The following VPS13A variants were observed in gnomAD, a reference collection of about 807,000 sequenced individuals.
VPS13A encodes the protein vacuolar protein sorting 13 homolog A, also known as intermembrane lipid transfer protein VPS13A.
In VPS13A, 264 loss-of-function variants were observed where a neutral mutation model predicts 390.9. That is an observed-to-expected ratio of 0.68 (90% CI 0.61 to 0.75). The LOEUF (loss-of-function observed/expected upper bound fraction) is 0.75. Ranked by LOEUF, VPS13A falls within the 30% of genes least tolerant of loss-of-function variation. The pLI, the probability that VPS13A is intolerant of heterozygous loss-of-function variation, is 0.00. For synonymous variants in VPS13A, 1,231 were observed against 1,227.1 expected (o/e 1.00, Z -0.07); for missense variants, 3,409 against 3,733.9 (o/e 0.91, Z 2.27).
At position 77,293,384 on chromosome 9, in the gene VPS13A, T is replaced by C; in HGVS notation, c.3383T>C (p.Val1128Ala). The C allele has an allele frequency of 6.2e-7, 1 of 1,613,428 alleles. No individual in the cohort carries two copies. Among genetic ancestry groups the C allele is most frequent in the Non-Finnish European group, 8.5e-7 (1 of 1,179,688 alleles). ...TGKEVFSFKM[V>A]SYMDATAGSA... ...AAAGAAGTTTTCAGCTTCAAAATGG[T>C]TTCTTACATGGATGCAACTGCTGGT... is the stretch of plus-strand genomic sequence containing the variant. Residue 1128 changes from valine to alanine, a missense_variant, in exon 32 of 72, where the codon GTT becomes GCT. Around this residue, in one of 5 missense-constraint regions of VPS13A, gnomAD observed 2,717 missense variants for 2,917.4 expected, o/e 0.93. Coordinates refer to ENST00000360280, the MANE Select transcript of VPS13A (RefSeq NM_033305.3).
intron 31 of VPS13A, among the ~76,000 whole-genome samples, chr9:77,291,504 C>G (rs1252466778): frequency 6.6e-6 from 1 of 152,054 alleles, no homozygotes; most frequent in Non-Finnish European, 1.5e-5. Context: ...GGTTTGAATT[C>G]CAGATTAATA....
chr9:77,340,055 T>G lies in VPS13A; in HGVS notation c.6775-123T>G, dbSNP rs1830732169. On this transcript the variant is annotated intron_variant, in intron 48 of 71. Coordinates refer to ENST00000360280, the MANE Select transcript of VPS13A (RefSeq NM_033305.3). The stretch of plus-strand genomic sequence containing the variant: ...AGGCCAAAAAGATTAGAATTTAATA[T>G]TATAAAGGTTTAGTGCATTAACAAT... The G allele has an allele frequency of 3.8e-6, 5 of 1,332,914 alleles. 1 individual carries two copies. The Admixed American group carries it at 9.6e-5, about 25-fold the overall frequency. The allele number at this position is 1,332,914 out of a possible 1,614,324, so 82.6% of individuals were successfully genotyped here. A position where few individuals can be genotyped will look rare whatever the true frequency, so the allele number is the denominator to read the frequency against.
chr9:77,259,790 A>G (rs1279150107), intron 22 of VPS13A, among the ~76,000 whole-genome samples: 1 of 152,186 alleles, frequency 6.6e-6, no homozygotes, highest in Non-Finnish European at 1.5e-5. Context: ...TAATGCATGT[A>G]AAGTGCTTTC....
At chr9:77,184,058 GT>G (rs886919704) in intron 1 of VPS13A, among the ~76,000 whole-genome samples, 1 of 152,192 alleles carries the variant, frequency 6.6e-6, no homozygotes, top group East Asian at 1.9e-4. Flanking sequence ...TATTTGCTTA[GT>G]TTTTTTCCTT....
rs759975017 is a variant in VPS13A at position 77,321,614 on chromosome 9, A to G, written c.5698A>G (p.Asn1900Asp). 7 of 1,613,452 alleles carry G rather than the reference A, an allele frequency of 4.3e-6. No individual in the cohort carries two copies. The Admixed American group carries it at 1.2e-4, about 27-fold the overall frequency. Residue 1900 changes from asparagine to aspartate, a missense_variant, in exon 44 of 72, where the codon AAC becomes GAC. Around this residue, in one of 5 missense-constraint regions of VPS13A, gnomAD observed 2,717 missense variants for 2,917.4 expected, o/e 0.93. Transcript: ENST00000360280. ...VSPSDSFSVL[N>D]IPMAKSYVLK... ...GCCAAGTGATTCTTTTAGTGTACTCAACATTCCTATGGCAAAATCATATGT... is the reference window on the plus strand; with the variant it reads ...GCCAAGTGATTCTTTTAGTGTACTCGACATTCCTATGGCAAAATCATATGT...
chr9:77,416,241 GA>G lies in VPS13A; in HGVS notation c.*237del, dbSNP rs563671185. The stretch of plus-strand genomic sequence containing the variant: ...CAGCAATTACCCGGTTTTCTAAATT[GA>G]ATCATGCATCTATTTATAATTCTAA... On this transcript the variant is annotated 3_prime_UTR_variant, in exon 72 of 72. Coordinates refer to ENST00000360280, the MANE Select transcript of VPS13A (RefSeq NM_033305.3). 8.5e-4 allele frequency: 388 copies of G among 457,116 alleles called. 1 individual carries two copies. Among genetic ancestry groups the G allele is most frequent in the African/African-American group, 7.0e-3 (354 of 50,552 alleles). 28.3% of individuals were successfully genotyped at this position (457,116 alleles called of 1,614,324 possible).
chr9:77,356,730 GA>G lies in VPS13A; in HGVS notation c.7672del (p.Thr2558GlnfsTer12). 1.9e-6 allele frequency: 3 copies of G among 1,612,388 alleles called. No homozygotes were observed. Among genetic ancestry groups the G allele is most frequent in the Non-Finnish European group, 2.5e-6 (3 of 1,179,072 alleles). ...TTAAATAAGTTCTGATGTGGTTTGG[GA>G]AACAAAGCCCAAGAAGAAGGCAAGA... ...IGITSSDVVW[E>X]TKPKKKARWK... On this transcript the variant is annotated frameshift_variant, in exon 55 of 72. Transcript: ENST00000360280. LOFTEE classifies it high-confidence loss of function.
In VPS13A at chr9:77,413,482, A is replaced by C. The variant is rs911950255; in HGVS notation, c.9475-2474A>C. On this transcript the variant is annotated intron_variant, in intron 71 of 71. Coordinates refer to ENST00000360280, the MANE Select transcript of VPS13A (RefSeq NM_033305.3). ...CTTTGACAAACCTGACAAAAACAAG[A>C]AATGGGGAAAGGATTCCCTATTTAA... Among the ~76,000 whole-genome samples, 22 of 152,306 alleles carry C rather than the reference A, an allele frequency of 1.4e-4. 1 individual carries two copies. The highest frequency in any genetic ancestry group is 3.4e-4 in the African/African-American group (14 of 41,572).
At chr9:77,335,117 T>C (rs1830471740) in intron 46 of VPS13A, among the ~76,000 whole-genome samples, 1 of 152,198 alleles carries the variant, frequency 6.6e-6, no homozygotes, top group South Asian at 2.1e-4. Context: ...CCATTGTTCA[T>C]CTATAAAGGA....
chr9:77,332,682 A>G (rs935570734), intron 46 of VPS13A, among the ~76,000 whole-genome samples: 2 of 152,200 alleles, frequency 1.3e-5, no homozygotes, highest in African/African-American at 4.8e-5. Flanking sequence ...TTATATCATA[A>G]CAAGTAAGTA....
At position 77,359,231 on chromosome 9, in the gene VPS13A, T is replaced by C. The variant is rs1195037791; in HGVS notation, c.8036-102T>C. On this transcript the variant is annotated intron_variant, in intron 57 of 71. Coordinates refer to ENST00000360280, the MANE Select transcript of VPS13A (RefSeq NM_033305.3). ...CAGTAATTTTAACTGATATTTATTA[T>C]TTAGTAAATGATTTAATTTTCCATT... The C allele has an allele frequency of 8.5e-6, 8 of 940,390 alleles. No individual in the cohort carries two copies. The Admixed American group carries it at 1.7e-4, about 20-fold the overall frequency. 58.3% of individuals were successfully genotyped at this position (940,390 alleles called of 1,614,324 possible).
At chr9:77,406,015 A>AACTT in intron 70 of VPS13A, 28 bp downstream of exon 70, 1 of 1,611,982 alleles carries the variant, frequency 6.2e-7, no homozygotes, top group Non-Finnish European at 8.5e-7. Flanking sequence ...ATTTTTTGAA[A>AACTT]ACTTGGAACT....
At chr9:77,406,542 T>G (rs1323354294) in intron 70 of VPS13A, among the ~76,000 whole-genome samples, 1 of 151,952 alleles carries the variant, frequency 6.6e-6, no homozygotes, top group African/African-American at 2.4e-5. Flanking sequence ...CTCAGCCTCC[T>G]GAGTAGCTGG....
chr9:77,324,645 A>G (rs1829912185), intron 45 of VPS13A, among the ~76,000 whole-genome samples: 1 of 152,140 alleles, frequency 6.6e-6, no homozygotes, highest in Non-Finnish European at 1.5e-5. Context: ...TTGCATTTAT[A>G]TTCATGAGGG....
intron 1 of VPS13A, among the ~76,000 whole-genome samples, chr9:77,182,959 T>A (rs927029961): frequency 6.6e-6 from 1 of 152,160 alleles, no homozygotes; most frequent in Non-Finnish European, 1.5e-5. Context: ...GGATACAGTT[T>A]TCGATTTTTA....
At chr9:77,272,061 T>C (rs1017491032) in intron 23 of VPS13A, among the ~76,000 whole-genome samples, 1 of 152,140 alleles carries the variant, frequency 6.6e-6, no homozygotes, top group Non-Finnish European at 1.5e-5. Flanking sequence ...AAAAAAATGC[T>C]GCTGCTGCTT....
At chr9:77,330,151 G>T (rs1222104320) in intron 45 of VPS13A, among the ~76,000 whole-genome samples, 1 of 151,988 alleles carries the variant, frequency 6.6e-6, no homozygotes, top group East Asian at 1.9e-4. Flanking sequence ...CAGTAGCTCG[G>T]ACTACATGTC....
intron 17 of VPS13A, among the ~76,000 whole-genome samples, chr9:77,229,473 T>G (rs1564647829): frequency 2.0e-5 from 3 of 152,202 alleles, no homozygotes; most frequent in African/African-American, 7.2e-5. Context: ...CTAATTTACT[T>G]TCTATTTGAA....
chr9:77,381,206 T>C (rs1833415674), intron 67 of VPS13A, among the ~76,000 whole-genome samples: 1 of 152,180 alleles, frequency 6.6e-6, no homozygotes, highest in African/African-American at 2.4e-5. Flanking sequence ...TGCAGTGGCA[T>C]GGGGCTCAAA....
Sources: allele counts gnomAD v4.1 joint callset (sites outside exome capture counted in the v4.1 genomes callset), GRCh38; gene constraint gnomAD v4.1.1; regional missense constraint gnomAD v4.1.1; transcripts MANE v1.5; gene names NCBI Gene and HGNC (gene_info 2026-07-23, HGNC 2026-07-21).